Variants in STX17 observed in about 807,000 individuals in gnomAD.
STX17 encodes the protein syntaxin-17.
In STX17, 29 loss-of-function variants were observed where a neutral mutation model predicts 35.9. The ratio of observed to expected loss-of-function variants is 0.81; its 90% CI spans 0.60 to 1.10. The LOEUF is 1.10. STX17 is among the 50% of genes least tolerant of loss of function. The pLI, the probability that STX17 is intolerant of heterozygous loss-of-function variation, is 0.00. For synonymous variants in STX17, 92 were observed against 118.3 expected (o/e 0.78, Z 1.44); for missense variants, 312 against 352.3 (o/e 0.89, Z 0.92).
chr9:99,971,580 G>A lies in STX17; in HGVS notation c.*2907G>A, dbSNP rs145905846. 1.8e-3 allele frequency among the ~76,000 whole-genome samples: 276 copies of A among 152,140 alleles called. 1 individual carries two copies. Among genetic ancestry groups the A allele is most frequent in the African/African-American group, 6.3e-3 (263 of 41,486 alleles). ...TTCTGTTTGCCAGGCACTTCACCAG[G>A]CATTTTACAAGTAAGGAAACTGGGC... On this transcript the variant is annotated 3_prime_UTR_variant, in exon 8 of 8. Transcript: ENST00000259400.
intron 4 of STX17, among the ~76,000 whole-genome samples, chr9:99,954,470 T>C (rs1464702126): frequency 1.3e-5 from 2 of 151,998 alleles, no homozygotes; most frequent in Non-Finnish European, 1.5e-5. Flanking sequence ...GAAAAGGAAA[T>C]GAATAATGAA....
Position 99,973,209 on chromosome 9 carries a change from T to C in STX17, c.*4536T>C, listed in dbSNP as rs2118573818. On this transcript the variant is annotated 3_prime_UTR_variant, in exon 8 of 8. Transcript: ENST00000259400. ...GATAAGAAATATATCTGTGCAATAT[T>C]AAATTGAAAAAAAAAAACCCATAAA... is the stretch of plus-strand genomic sequence containing the variant. 9.2e-6 allele frequency among the ~76,000 whole-genome samples: 1 copy of C among 108,412 alleles called. No homozygotes were observed. Among genetic ancestry groups the C allele is most frequent in the South Asian group, 2.3e-4 (1 of 4,256 alleles). 71.1% of individuals were successfully genotyped at this position (108,412 alleles called of 152,430 possible).
intron 4 of STX17, among the ~76,000 whole-genome samples, chr9:99,952,865 C>T (rs1829630645): frequency 8.0e-6 from 1 of 125,138 alleles, no homozygotes; most frequent in East Asian, 2.3e-4. Flanking sequence ...GAACATCACA[C>T]TTGGGACTGT....
At chr9:99,931,978 G>A (rs930670560) in intron 3 of STX17, among the ~76,000 whole-genome samples, 2 of 152,120 alleles carry the variant, frequency 1.3e-5, no homozygotes, top group Non-Finnish European at 2.9e-5. Flanking sequence ...GCAAGCTGGC[G>A]TTTTCCTTAG....
At chr9:99,944,710 T>C (rs1365752274) in intron 3 of STX17, among the ~76,000 whole-genome samples, 1 of 152,070 alleles carries the variant, frequency 6.6e-6, no homozygotes, top group African/African-American at 2.4e-5. Context: ...GAGATGGGGT[T>C]TCGCCATGTT....
At chr9:99,961,713 T>C (rs1372265220) in intron 6 of STX17, among the ~76,000 whole-genome samples, 1 of 152,042 alleles carries the variant, frequency 6.6e-6, no homozygotes, top group Non-Finnish European at 1.5e-5. Context: ...ACGGTTTCCC[T>C]GAGATCTAAT....
chr9:99,951,015 C>T (rs369867663), intron 3 of STX17, 45 bp from the exon 4 acceptor site: 2 of 1,501,560 alleles, frequency 1.3e-6, no homozygotes, highest in Non-Finnish European at 1.8e-6. Context: ...AGAAAGATAT[C>T]TTATACTAAG....
rs1260002704 is a variant in STX17, at chr9:99,923,678, A to C, written c.124-5100A>C. 2.0e-5 allele frequency among the ~76,000 whole-genome samples: 3 copies of C among 152,138 alleles called. No individual in the cohort carries two copies. The East Asian group carries it at 5.8e-4, about 29-fold the overall frequency. On this transcript the variant is annotated intron_variant, in intron 2 of 7. Transcript: ENST00000259400. ...AACCACAGTTTGAGAGTCAAGTCCCACAAGACCACACCCTTCCCTCCCACC... is the reference window on the plus strand; with the variant it reads ...AACCACAGTTTGAGAGTCAAGTCCCCCAAGACCACACCCTTCCCTCCCACC...
chr9:99,928,931 C>A (rs1217159439), intron 3 of STX17, 88 bp downstream of exon 3: 2 of 1,096,290 alleles, frequency 1.8e-6, no homozygotes, highest in South Asian at 1.4e-5. Context: ...TGCAGCTGAA[C>A]CCTTTTATAC....
chr9:99,949,832 A>G (rs927201874), intron 3 of STX17, among the ~76,000 whole-genome samples: 1 of 151,890 alleles, frequency 6.6e-6, no homozygotes, highest in African/African-American at 2.4e-5. Context: ...GAAAGAGGGA[A>G]AGCTCCCCAG....
rs759609630 is a variant in STX17 at position 99,960,039 on chromosome 9, T to TA, written c.531+13dup. ...GTGGGAAACCTTAGAAGCGGTATGTTAAAAAATGTTTTCTTTTTGGTAGTT... is the reference window on the plus strand; with the variant it reads ...GTGGGAAACCTTAGAAGCGGTATGTTAAAAAAATGTTTTCTTTTTGGTAGTT... On this transcript the variant is annotated splice_region_variant and intron_variant, in intron 5 of 7. Transcript: ENST00000259400. 3.1e-6 allele frequency: 5 copies of TA among 1,613,844 alleles called. No homozygotes were observed. The African/African-American group carries it at 5.3e-5, about 17-fold the overall frequency.
At chr9:99,963,878 T>G (rs1829869533) in intron 6 of STX17, among the ~76,000 whole-genome samples, 1 of 152,144 alleles carries the variant, frequency 6.6e-6, no homozygotes, top group Non-Finnish European at 1.5e-5. Flanking sequence ...TTGCATATGA[T>G]TAAGGAGTAT....
intron 4 of STX17, among the ~76,000 whole-genome samples, chr9:99,952,775 C>T (rs2118491296): frequency 6.7e-6 from 1 of 150,234 alleles, no homozygotes; most frequent in Non-Finnish European, 1.5e-5. Flanking sequence ...TAAACTATCG[C>T]AAGGACAAAA....
intron 2 of STX17, among the ~76,000 whole-genome samples, chr9:99,920,991 T>C (rs1165334541): frequency 1.3e-5 from 2 of 152,072 alleles, no homozygotes; most frequent in East Asian, 1.9e-4. Flanking sequence ...ACAGTGGAGG[T>C]AGTAGTTGTT....
At chr9:99,936,355 T>C (rs933809637) in intron 3 of STX17, among the ~76,000 whole-genome samples, 2 of 152,228 alleles carry the variant, frequency 1.3e-5, no homozygotes, top group Admixed American at 1.3e-4. Context: ...ACAGTTGATA[T>C]AGTCAGCCTT....
chr9:99,918,245 T>G (rs931817759), intron 2 of STX17, among the ~76,000 whole-genome samples: 4 of 152,202 alleles, frequency 2.6e-5, no homozygotes, highest in Non-Finnish European at 2.9e-5. Context: ...TCCTCCTGTC[T>G]CAGCTTCCTG....
At chr9:99,945,231 G>A (rs1829456582) in intron 3 of STX17, among the ~76,000 whole-genome samples, 1 of 151,966 alleles carries the variant, frequency 6.6e-6, no homozygotes, top group African/African-American at 2.4e-5. Context: ...TTGTGGATTT[G>A]TTTCAATTTT....
intron 3 of STX17, chr9:99,945,986 G>C (rs1829474450): frequency 6.4e-6 from 1 of 156,312 alleles, no homozygotes; most frequent in Admixed American, 6.5e-5. Context: ...GGGAGGCTGA[G>C]GCAGGCGAAT....
At chr9:99,914,483 A>G (rs1314334194) in intron 1 of STX17, among the ~76,000 whole-genome samples, 1 of 152,180 alleles carries the variant, frequency 6.6e-6, no homozygotes, top group Non-Finnish European at 1.5e-5. Context: ...GAACACTAGT[A>G]GGAAACTACT....
Sources: allele counts gnomAD v4.1 joint callset (sites outside exome capture counted in the v4.1 genomes callset), GRCh38; gene constraint gnomAD v4.1.1; transcripts MANE v1.5; gene names NCBI Gene and HGNC (gene_info 2026-07-23, HGNC 2026-07-21).